STX12: variants seen among roughly 807,000 people sequenced by gnomAD.
STX12 encodes the protein syntaxin 12, also known as syntaxin-12.
In STX12, 17 loss-of-function variants were observed where a neutral mutation model predicts 42.2. The observed-to-expected ratio is 0.40, with a 90% CI of 0.28 to 0.60. The LOEUF is 0.60. Among genes scored for constraint, STX12 ranks in the 20% least tolerant of loss-of-function variants. The probability of loss-of-function intolerance (pLI) is 0.39; values close to 1 mark genes in which losing one functional copy is unlikely to be tolerated. For missense variants in STX12, 297 were observed against 330.9 expected (o/e 0.90, Z 0.79); for synonymous variants, 108 against 116.7 (o/e 0.93, Z 0.48).
intron 4 of STX12, among the ~76,000 whole-genome samples, chr1:27,807,195 A>G (rs536605618): frequency 6.6e-6 from 1 of 152,268 alleles, no homozygotes; most frequent in East Asian, 1.9e-4. Flanking sequence ...TTTATCCTTT[A>G]TGTTACAGAC....
intron 2 of STX12, among the ~76,000 whole-genome samples, chr1:27,790,951 A>C (rs1000419991): frequency 6.6e-6 from 1 of 150,502 alleles, no homozygotes; most frequent in Non-Finnish European, 1.5e-5. Context: ...CAAAAAAATA[A>C]AAATAAAAAT....
chr1:27,810,237 A>T lies in STX12; in HGVS notation c.427-9A>T. 2.5e-6 allele frequency: 4 copies of T among 1,613,572 alleles called. No homozygotes were observed. Among genetic ancestry groups the T allele is most frequent in the Non-Finnish European group, 3.4e-6 (4 of 1,179,628 alleles). On this transcript the variant is annotated splice_polypyrimidine_tract_variant and intron_variant, in intron 4 of 8. Transcript: ENST00000373943. ...GATGACAGCAGCAATAATACCATCT[A>T]CTTTCTAGGCAGAAGAGAGGCAAAG...
Position 27,809,918 on chromosome 1 carries a change from G to C in STX12, c.427-328G>C, listed in dbSNP as rs962191753. On this transcript the variant is annotated intron_variant, in intron 4 of 8. Transcript: ENST00000373943. ...AAATTTTTACATGTTCTGAAATTTT[G>C]TATTCTTGCAAGTTTATCTACCTCC... The C allele has an allele frequency of 2.1e-4, 43 of 200,282 alleles. No homozygotes were observed. In the Admixed American group the frequency reaches 2.4e-3, roughly 11 times the overall value. The allele number at this position is 200,282 out of a possible 1,614,324, so 12.4% of individuals were successfully genotyped here.
At chr1:27,800,338 TC>T (rs1444784531) in intron 3 of STX12, among the ~76,000 whole-genome samples, 7 of 152,186 alleles carry the variant, frequency 4.6e-5, no homozygotes, top group African/African-American at 1.7e-4. Flanking sequence ...CCCTCTGAAC[TC>T]CTGTAGTACC....
rs1330527306 is a variant in STX12, at chr1:27,773,358, C to A, written c.51C>A (p.Pro17=). ...DMYRNPGPSG[P]QLRDFSSIIQ... is the part of the protein sequence containing the mutation. ...ACCGGAACCCGGGGCCCTCGGGGCC[C>A]CAGCTCCGGGACTTCAGCAGCATCA... The change falls in exon 1 of 9, where the codon CCC becomes CCA. Residue 17 remains proline, a synonymous_variant. Transcript: ENST00000373943. The A allele has an allele frequency of 6.2e-7, 1 of 1,613,396 alleles. No individual in the cohort carries two copies. Among genetic ancestry groups the A allele is most frequent in the Admixed American group, 1.7e-5 (1 of 59,986 alleles).
intron 1 of STX12, chr1:27,774,176 A>C (rs1388149905): frequency 6.6e-6 from 1 of 152,220 alleles, no homozygotes. Context: ...AAGCTAAGAC[A>C]CTTAGCCACA....
Position 27,818,057 on chromosome 1 carries a change from G to A in STX12, c.649+134G>A, listed in dbSNP as rs2088955077. The A allele has an allele frequency of 1.6e-5, 11 of 669,138 alleles. No homozygotes were observed. The South Asian group carries it at 2.1e-4, about 13-fold the overall frequency. The allele number at this position is 669,138 out of a possible 1,614,324, so 41.5% of individuals were successfully genotyped here. A position where few individuals can be genotyped will look rare whatever the true frequency, so the allele number is the denominator to read the frequency against. On this transcript the variant is annotated intron_variant, in intron 7 of 8. Transcript: ENST00000373943. ...GAAGCCAACCTGGGCAACATAATGA[G>A]AATTTGTCTCTTAAAAAAGAAAGAA...
intron 8 of STX12, chr1:27,820,481 G>T (rs1481103946): frequency 1.3e-5 from 2 of 152,214 alleles, no homozygotes; most frequent in African/African-American, 4.8e-5. Context: ...TCTGATGGTA[G>T]TTTCTTTTGC....
intron 5 of STX12, among the ~76,000 whole-genome samples, chr1:27,810,806 A>T (rs2088897396): frequency 6.6e-6 from 1 of 152,170 alleles, no homozygotes; most frequent in African/African-American, 2.4e-5. Context: ...TTTAGCATAG[A>T]TACACATCCA....
chr1:27,789,082 G>T (rs958778633), intron 1 of STX12, among the ~76,000 whole-genome samples: 7 of 152,144 alleles, frequency 4.6e-5, no homozygotes, highest in African/African-American at 1.7e-4. Flanking sequence ...ATAACAGAGT[G>T]TATACAAAGC....
chr1:27,793,142 C>G (rs72655055), intron 2 of STX12, among the ~76,000 whole-genome samples: 3,461 of 152,350 alleles, frequency 0.023, 73 homozygotes, highest in Admixed American at 0.062. Flanking sequence ...AGATTCTAGT[C>G]AGTGGACTGT....
intron 1 of STX12, among the ~76,000 whole-genome samples, chr1:27,779,346 T>TG (rs200095103): frequency 0.015 from 2,266 of 151,712 alleles, 62 homozygotes; most frequent in African/African-American, 0.052. Flanking sequence ...TTTTTTTGTT[T>TG]TTTTTTGAGC....
intron 2 of STX12, among the ~76,000 whole-genome samples, chr1:27,792,192 ATG>A (rs1307823197): frequency 7.4e-6 from 1 of 134,628 alleles, no homozygotes; most frequent in Non-Finnish European, 1.6e-5. Flanking sequence ...GTATCTATAT[ATG>A]TATATACATA....
chr1:27,815,028 A>G (rs1194082932), intron 6 of STX12, among the ~76,000 whole-genome samples: 1 of 152,246 alleles, frequency 6.6e-6, no homozygotes, highest in African/African-American at 2.4e-5. Context: ...TCAGTACATT[A>G]CTAATACAAT....
intron 3 of STX12, among the ~76,000 whole-genome samples, chr1:27,799,709 C>T (rs571624279): frequency 6.6e-6 from 1 of 151,908 alleles, no homozygotes; most frequent in Non-Finnish European, 1.5e-5. Context: ...GTCTCCATCT[C>T]CTGGCCTCGT....
At chr1:27,791,939 G>A (rs1187563017) in intron 2 of STX12, among the ~76,000 whole-genome samples, 2 of 149,664 alleles carry the variant, frequency 1.3e-5, no homozygotes, top group African/African-American at 4.9e-5. Context: ...AGCCAAGATC[G>A]CGCCACAGCA....
In STX12 at chr1:27,822,316, A is replaced by G. The variant is rs750886546; in HGVS notation, c.818A>G (p.Tyr273Cys). 3.4e-5 allele frequency: 54 copies of G among 1,610,602 alleles called. No homozygotes were observed. The highest frequency in any genetic ancestry group is 4.5e-5 in the Non-Finnish European group (53 of 1,176,810). Residue 273 changes from tyrosine to cysteine, a missense_variant, in exon 9 of 9, where the codon TAT becomes TGT. Physicochemically the swap from Tyr to Cys is radical, Grantham distance 194. Transcript: ENST00000373943. ...LILGLIIWLV[Y>C]KTK ...TTGGGACTTATTATCTGGCTAGTTTATAAAACGAAGTGATTGCCTCCGATC... is the reference window on the plus strand; with the variant it reads ...TTGGGACTTATTATCTGGCTAGTTTGTAAAACGAAGTGATTGCCTCCGATC...
intron 1 of STX12, among the ~76,000 whole-genome samples, chr1:27,774,828 C>T (rs757938009): frequency 1.4e-4 from 21 of 152,166 alleles, no homozygotes; most frequent in Middle Eastern, 6.8e-3. Context: ...ATGCATCTAC[C>T]GTGCCAGGCT....
chr1:27,821,799 T>C (rs973427921), intron 8 of STX12, among the ~76,000 whole-genome samples: 1 of 152,076 alleles, frequency 6.6e-6, no homozygotes, highest in African/African-American at 2.4e-5. Flanking sequence ...GGTAGATCAC[T>C]TGAGGTCAGG....
Sources: allele counts gnomAD v4.1 joint callset (sites outside exome capture counted in the v4.1 genomes callset), GRCh38; gene constraint gnomAD v4.1.1; transcripts MANE v1.5; gene names NCBI Gene and HGNC (gene_info 2026-07-23, HGNC 2026-07-21).